The following SYTL1 variants were observed in gnomAD, a reference collection of about 807,000 sequenced individuals.
SYTL1 encodes the protein synaptotagmin like 1.
A neutral mutation model predicts 74.6 loss-of-function variants in SYTL1; 53 were observed. The ratio of observed to expected loss-of-function variants is 0.71; its 90% CI spans 0.57 to 0.89. The LOEUF (loss-of-function observed/expected upper bound fraction) is 0.89, where lower values mean the gene tolerates loss of function less well. Ranked by LOEUF, SYTL1 falls within the 40% of genes least tolerant of loss-of-function variation. SYTL1 has a pLI of 0.00. For synonymous variants in SYTL1, 329 were observed against 324.9 expected (o/e 1.01, Z -0.14); for missense variants, 728 against 768.7 (o/e 0.95, Z 0.63).
At position 27,349,161 on chromosome 1, in the gene SYTL1, G is replaced by C. The variant is rs748007304; in HGVS notation, c.532+9G>C. On this transcript the variant is annotated intron_variant, in intron 6 of 14. Coordinates refer to ENST00000616558, the MANE Select transcript of SYTL1 (RefSeq NM_001193308.2). ...GTCCCAGGCCCAGGAAGGTGAGTGG[G>C]AGCGCCTGTTGGGGAGCACGGAGAG... 1 of 1,613,258 alleles carries C rather than the reference G, an allele frequency of 6.2e-7. No homozygotes were observed. Among genetic ancestry groups the C allele is most frequent in the Admixed American group, 1.7e-5 (1 of 59,942 alleles).
rs751512928 is a variant in SYTL1, at chr1:27,353,807, G to A, written c.1644G>A (p.Val548=). ...QALLEQPCEW[V]DGLLPLRTNL... is the part of the protein sequence containing the mutation. ...TCCTGGAGCAGCCGTGCGAATGGGT[G>A]GATGGCCTTCTACCCCTCAGAACCA... The change falls in exon 15 of 15, where the codon GTG becomes GTA. Residue 548 remains valine, a synonymous_variant. Transcript: ENST00000616558. 16 of 1,613,762 alleles carry A rather than the reference G, an allele frequency of 9.9e-6. No individual in the cohort carries two copies. In the African/African-American group the frequency reaches 1.3e-4, roughly 13 times the overall value.
At position 27,348,966 on chromosome 1, in the gene SYTL1, A is replaced by C; in HGVS notation, c.460-114A>C. On this transcript the variant is annotated intron_variant, in intron 5 of 14. Coordinates refer to ENST00000616558, the MANE Select transcript of SYTL1 (RefSeq NM_001193308.2). This position sits in a 1 kb window ranked among gnomAD's most constrained non-coding sequence, Gnocchi z 4.1. ...CCAGCCCTGCCCGGAGGGCTGCCCT[A>C]AACCTGAAACTGGGGTAGCTGGCTG... The C allele has an allele frequency of 1.2e-6, 1 of 836,552 alleles. No individual in the cohort carries two copies. The highest frequency in any genetic ancestry group is 1.9e-6 in the Non-Finnish European group (1 of 526,592). 51.8% of individuals were successfully genotyped at this position (836,552 alleles called of 1,614,324 possible). A position where few individuals can be genotyped will look rare whatever the true frequency, so the allele number is the denominator to read the frequency against.
At position 27,353,431 on chromosome 1, in the gene SYTL1, G is replaced by A. The variant is rs1390880545; in HGVS notation, c.1492G>A (p.Asp498Asn). ...GGCTTGTGCCGAGCTCTCCCTCTGG[G>A]ACCATGGGGCCCTGGCCAACCGCCA... ...RQACAELSLWDHGALANRQLG... is the reference protein window; with the variant it reads ...RQACAELSLWNHGALANRQLG... Residue 498 changes from aspartate (D) to asparagine (N), a missense_variant, in exon 14 of 15, where the codon GAC becomes AAC. Coordinates refer to ENST00000616558, the MANE Select transcript of SYTL1 (RefSeq NM_001193308.2). 2 of 1,610,504 alleles carry A rather than the reference G, an allele frequency of 1.2e-6. No homozygotes were observed. The highest frequency in any genetic ancestry group is 1.7e-5 in the Admixed American group (1 of 59,620).
intron 13 of SYTL1, 191 bp from the exon 14 acceptor site, chr1:27,353,092 T>G (rs1318019033): frequency 1.3e-5 from 8 of 630,464 alleles, no homozygotes; most frequent in Non-Finnish European, 2.2e-5. Context: ...GGCCAGGAGC[T>G]GTAACTTTTA....
At position 27,349,409 on chromosome 1, in the gene SYTL1, G is replaced by A; in HGVS notation, c.544G>A (p.Gly182Arg). 1 of 1,447,304 alleles carries A rather than the reference G, an allele frequency of 6.9e-7. No homozygotes were observed. The highest frequency in any genetic ancestry group is 9.1e-7 in the Non-Finnish European group (1 of 1,097,940). The allele number at this position is 1,447,304 out of a possible 1,614,324, so 89.7% of individuals were successfully genotyped here. A position where few individuals can be genotyped will look rare whatever the true frequency, so the allele number is the denominator to read the frequency against. ...ASQAQEDPGQ[G>R]DQQVCAEEAD... is the part of the protein sequence containing the mutation. ...GTGCCCCACCCCAGATCCTGGCCAAGGAGACCAACAGGTCTGTGCCGAGGA... is the reference window on the plus strand; with the variant it reads ...GTGCCCCACCCCAGATCCTGGCCAAAGAGACCAACAGGTCTGTGCCGAGGA... The change falls in exon 7 of 15, where the codon GGA becomes AGA. Residue 182 changes from glycine to arginine, a missense_variant. Coordinates refer to ENST00000616558, the MANE Select transcript of SYTL1 (RefSeq NM_001193308.2).
chr1:27,348,098 T>G lies in SYTL1; in HGVS notation c.459+86T>G. 1 of 1,331,834 alleles carries G rather than the reference T, an allele frequency of 7.5e-7. No individual in the cohort carries two copies. The highest frequency in any genetic ancestry group is 1.1e-6 in the Non-Finnish European group (1 of 925,886). The allele number at this position is 1,331,834 out of a possible 1,614,324, so 82.5% of individuals were successfully genotyped here. A position where few individuals can be genotyped will look rare whatever the true frequency, so the allele number is the denominator to read the frequency against. Reference sequence around the variant, plus strand: ...GGGCAGGGGGGAAAGAGCCCCAGCCTGGGAATGGGGAGACCCTGGAAATGT... The same window carrying G: ...GGGCAGGGGGGAAAGAGCCCCAGCCGGGGAATGGGGAGACCCTGGAAATGT... On this transcript the variant is annotated intron_variant, in intron 5 of 14. Transcript: ENST00000616558. This position sits in a 1 kb window ranked among gnomAD's most constrained non-coding sequence, Gnocchi z 4.1.
intron 14 of SYTL1, 106 bp downstream of exon 14, chr1:27,353,594 C>G (rs3813797): frequency 1.3e-6 from 2 of 1,535,100 alleles, no homozygotes; most frequent in East Asian, 4.6e-5. Flanking sequence ...GCTTTGATAT[C>G]TACTGAGAAC....
At chr1:27,353,607 AGGGTGGTAAC>A in intron 14 of SYTL1, 96 bp from the exon 15 acceptor site, 1 of 1,550,142 alleles carries the variant, frequency 6.5e-7, no homozygotes, top group Non-Finnish European at 8.8e-7. Flanking sequence ...CTGAGAACTG[AGGGTGGTAAC>A]GGGGGACAGT....
Position 27,350,593 on chromosome 1 carries a change from G to A in SYTL1, c.1005+108G>A. ...TAACGTCATTGCCCGGAGGATCGGC[G>A]GAGGGGGCCCATTAACTCGTTATCC... On this transcript the variant is annotated intron_variant, in intron 10 of 14. Coordinates refer to ENST00000616558, the MANE Select transcript of SYTL1 (RefSeq NM_001193308.2). This position sits in a 1 kb window ranked among gnomAD's most constrained non-coding sequence, Gnocchi z 6.3. 3 of 1,117,910 alleles carry A rather than the reference G, an allele frequency of 2.7e-6. No individual in the cohort carries two copies. Among genetic ancestry groups the A allele is most frequent in the South Asian group, 2.8e-5 (2 of 70,474 alleles). The allele number at this position is 1,117,910 out of a possible 1,614,324, so 69.2% of individuals were successfully genotyped here.
At position 27,343,642 on chromosome 1, in the gene SYTL1, TTGTA is replaced by T. The variant is rs2014874049; in HGVS notation, c.-39+1496_-39+1499del. Among the ~76,000 whole-genome samples the T allele has an allele frequency of 6.6e-6, 1 of 151,900 alleles. No homozygotes were observed. Among genetic ancestry groups the T allele is most frequent in the Admixed American group, 6.6e-5 (1 of 15,244 alleles). On this transcript the variant is annotated intron_variant, in intron 1 of 14. Transcript: ENST00000616558. This position sits in a 1 kb window ranked among gnomAD's most constrained non-coding sequence, Gnocchi z 5.2. ...TGTATCTGTCTGTCTAGGTGGGTGG[TTGTA>T]TGTGTGCATTCCCATGTGTGTGCAG...
rs377049872 is a variant in SYTL1 at position 27,350,757 on chromosome 1, C to A, written c.1006-37C>A. The stretch of plus-strand genomic sequence containing the variant: ...CTCGCGCAGCATCTACGCGGGCCAC[C>A]AGCAGTGCTCCACTAAAGCTCACCT... On this transcript the variant is annotated intron_variant, in intron 10 of 14. Transcript: ENST00000616558. This position sits in a 1 kb window ranked among gnomAD's most constrained non-coding sequence, Gnocchi z 6.3. 10 of 1,605,822 alleles carry A rather than the reference C, an allele frequency of 6.2e-6. No homozygotes were observed. The highest frequency in any genetic ancestry group is 6.8e-6 in the Non-Finnish European group (8 of 1,174,008).
Position 27,351,535 on chromosome 1 carries a change from C to G in SYTL1, c.1323C>G (p.Ser441=). ...ARDLLPLRAG[S]LDTYVQCFVL... is the part of the protein sequence containing the mutation. ...ACCTCCTGCCGCTGCGGGCAGGATCCCTGGACACTTACGTACAATGGTGAG... is the reference window on the plus strand; with the variant it reads ...ACCTCCTGCCGCTGCGGGCAGGATCGCTGGACACTTACGTACAATGGTGAG... The change falls in exon 13 of 15, where the codon TCC becomes TCG. Residue 441 remains serine (S), a synonymous_variant. Transcript: ENST00000616558. This position sits in a 1 kb window ranked among gnomAD's most constrained non-coding sequence, Gnocchi z 5.0. The G allele has an allele frequency of 6.5e-7, 1 of 1,548,030 alleles. No individual in the cohort carries two copies. The highest frequency in any genetic ancestry group is 2.0e-5 in the Admixed American group (1 of 50,502).
chr1:27,347,991 G>C lies in SYTL1; in HGVS notation c.438G>C (p.Gln146His). The C allele has an allele frequency of 6.2e-7, 1 of 1,614,200 alleles. No individual in the cohort carries two copies. Among genetic ancestry groups the C allele is most frequent in the Admixed American group, 1.7e-5 (1 of 60,030 alleles). ...EPRLTIDEAP[Q>H]ERLRETEGPD... ...GGCTCACCATTGATGAGGCCCCTCAGGAGAGGCTCAGGGAGACTGAGGTAA... is the reference window on the plus strand; with the variant it reads ...GGCTCACCATTGATGAGGCCCCTCACGAGAGGCTCAGGGAGACTGAGGTAA... The change falls in exon 5 of 15, where the codon CAG becomes CAC. Residue 146 changes from glutamine to histidine, a missense_variant. Physicochemically the swap from Gln to His is conservative, Grantham distance 24. Transcript: ENST00000616558. The surrounding 1 kb of genome is among the most constrained non-coding windows in gnomAD (Gnocchi z 4.9).
chr1:27,348,056 G>A lies in SYTL1; in HGVS notation c.459+44G>A. The A allele has an allele frequency of 6.3e-7, 1 of 1,597,238 alleles. No individual in the cohort carries two copies. Among genetic ancestry groups the A allele is most frequent in the Non-Finnish European group, 8.6e-7 (1 of 1,164,808 alleles). On this transcript the variant is annotated intron_variant, in intron 5 of 14. Coordinates refer to ENST00000616558, the MANE Select transcript of SYTL1 (RefSeq NM_001193308.2). This position sits in a 1 kb window ranked among gnomAD's most constrained non-coding sequence, Gnocchi z 4.1. ...ATGTGAGTACAGTGTCCCTGGAGGG[G>A]AGGTGGAATGTGCAGGGGGCAGGGG...
Position 27,343,983 on chromosome 1 carries a change from G to A in SYTL1, c.-38-1314G>A, listed in dbSNP as rs552213177. 2.0e-5 allele frequency among the ~76,000 whole-genome samples: 3 copies of A among 152,212 alleles called. No individual in the cohort carries two copies. Among genetic ancestry groups the A allele is most frequent in the African/African-American group, 4.8e-5 (2 of 41,448 alleles). On this transcript the variant is annotated intron_variant, in intron 1 of 14. Coordinates refer to ENST00000616558, the MANE Select transcript of SYTL1 (RefSeq NM_001193308.2). The surrounding 1 kb of genome is among the most constrained non-coding windows in gnomAD (Gnocchi z 5.2). ...GAGTCTCACTCTTGCCCAGGCTGGA[G>A]TGCAGTGGCGCCATCTCAGCTCACT...
rs1238817269 is a variant in SYTL1, at chr1:27,350,103, G to GGCCGCCGCCCGGC, written c.888_900dup (p.Ser301ProfsTer17). ...TGCACGTGATCCAGTGCCAGGGCCT[G>GGCCGCCGCCCGGC]GCCGCCGCCCGGCGCCGCCGCTCGG... On this transcript the variant is annotated frameshift_variant, in exon 9 of 15. Transcript: ENST00000616558. LOFTEE classifies it high-confidence loss of function. This position sits in a 1 kb window ranked among gnomAD's most constrained non-coding sequence, Gnocchi z 6.3. 4.4e-4 allele frequency: 620 copies of GGCCGCCGCCCGGC among 1,407,294 alleles called. No individual in the cohort carries two copies. Among genetic ancestry groups the GGCCGCCGCCCGGC allele is most frequent in the Non-Finnish European group, 4.8e-4 (525 of 1,087,182 alleles). 87.2% of individuals were successfully genotyped at this position (1,407,294 alleles called of 1,614,324 possible).
In SYTL1 at chr1:27,348,148, ACCT is replaced by A. The variant is rs2015083846; in HGVS notation, c.459+140_459+142del. 1.2e-6 allele frequency: 1 copy of A among 822,818 alleles called. No individual in the cohort carries two copies. Among genetic ancestry groups the A allele is most frequent in the African/African-American group, 1.7e-5 (1 of 59,482 alleles). 51.0% of individuals were successfully genotyped at this position (822,818 alleles called of 1,614,324 possible). On this transcript the variant is annotated intron_variant, in intron 5 of 14. Transcript: ENST00000616558. This position sits in a 1 kb window ranked among gnomAD's most constrained non-coding sequence, Gnocchi z 4.1. ...TTCCTTCCTGTGTCTGCACCTCATC[ACCT>A]CCTGGGTGGAACAGTGGTGAACGGT...
At position 27,347,741 on chromosome 1, in the gene SYTL1, G is replaced by A; in HGVS notation, c.341-67G>A. ...ATGGGGTGGGTGGGTATCTCCCAGG[G>A]CCTCTCCCGAGTCACAGCCAGGCTT... On this transcript the variant is annotated intron_variant, in intron 3 of 14. Coordinates refer to ENST00000616558, the MANE Select transcript of SYTL1 (RefSeq NM_001193308.2). The surrounding 1 kb of genome is among the most constrained non-coding windows in gnomAD (Gnocchi z 4.9). 1 of 1,561,516 alleles carries A rather than the reference G, an allele frequency of 6.4e-7. No homozygotes were observed. The highest frequency in any genetic ancestry group is 8.7e-7 in the Non-Finnish European group (1 of 1,149,478).
At chr1:27,349,570 G>A (rs1334240033) in intron 7 of SYTL1, 72 bp downstream of exon 7, 1 of 1,506,742 alleles carries the variant, frequency 6.6e-7, no homozygotes, top group Non-Finnish European at 8.9e-7. Flanking sequence ...TCCTGCCCAG[G>A]GCTGCGAGCC....
Sources: gnomAD v4.1 joint callset for allele counts (sites outside exome capture counted in the v4.1 genomes callset) on GRCh38, gnomAD v4.1.1 for gene constraint, Gnocchi (gnomAD v3.1) non-coding constraint, MANE v1.5 for transcripts, NCBI Gene and HGNC (gene_info 2026-07-23, HGNC 2026-07-21) for gene names.